Variants in ABCA8 observed in about 807,000 individuals in gnomAD.
ABCA8 encodes ABC-type organic anion transporter ABCA8.
Under a neutral mutation model 192.3 loss-of-function variants are expected in ABCA8, and 177 were observed. That is an observed-to-expected ratio of 0.92 (90% CI 0.81 to 1.04). ABCA8 has a LOEUF of 1.04. Among genes scored for constraint, ABCA8 ranks in the 50% least tolerant of loss-of-function variants. The pLI is 0.00. For missense variants in ABCA8, 1,915 were observed against 1,904.8 expected (o/e 1.01, Z -0.10); for synonymous variants, 642 against 690.2 (o/e 0.93, Z 1.09).
intron 1 of ABCA8, among the ~76,000 whole-genome samples, chr17:68,954,402 A>T (rs945013418): frequency 2.6e-5 from 4 of 151,986 alleles, no homozygotes; most frequent in Non-Finnish European, 4.4e-5. Flanking sequence ...TATATCTTCC[A>T]TCGTAAAGTA....
chr17:68,949,965 A>C (rs2068523953), intron 1 of ABCA8, among the ~76,000 whole-genome samples: 1 of 152,212 alleles, frequency 6.6e-6, no homozygotes, highest in Non-Finnish European at 1.5e-5. Context: ...AAGAGAAAGA[A>C]ATAAAGGTAT....
Position 68,921,379 on chromosome 17 carries a change from TAC to T in ABCA8, c.1612+1_1612+2del. On this transcript the variant is annotated splice_donor_variant, in intron 13 of 39. Transcript: ENST00000586539. LOFTEE classifies it high-confidence loss of function. ...AAAAAAAAGAAAACAAACTAGTTTG[TAC>T]CTTTGGTGGGAACAGACAACCCACT... 6 of 1,598,102 alleles carry T rather than the reference TAC, an allele frequency of 3.8e-6. No individual in the cohort carries two copies. The highest frequency in any genetic ancestry group is 5.1e-6 in the Non-Finnish European group (6 of 1,171,428).
In ABCA8 at chr17:68,922,233, T is replaced by TAA; in HGVS notation, c.1501+8_1501+9insTT. The TAA allele has an allele frequency of 1.8e-6, 1 of 549,588 alleles. No homozygotes were observed. The highest frequency in any genetic ancestry group is 2.6e-6 in the Non-Finnish European group (1 of 385,894). 34.0% of individuals were successfully genotyped at this position (549,588 alleles called of 1,614,324 possible). On this transcript the variant is annotated intron_variant, in intron 12 of 39. Coordinates refer to ENST00000586539, the MANE Select transcript of ABCA8 (RefSeq NM_001288985.2). ...TTTTTTTTTTTTTTTTTTTTTTTTT[T>TAA]TTTTTTACCTTTCAAGGCTTCTATT... is the stretch of plus-strand genomic sequence containing the variant.
At chr17:68,906,940 A>G (rs1281314276) in intron 18 of ABCA8, among the ~76,000 whole-genome samples, 1 of 152,140 alleles carries the variant, frequency 6.6e-6, no homozygotes, top group African/African-American at 2.4e-5. Context: ...TGATTACAGA[A>G]GTCCTGAGGC....
Position 68,931,996 on chromosome 17 carries a change from G to A in ABCA8, c.797+292C>T, listed in dbSNP as rs1483240447. On this transcript the variant is annotated intron_variant, in intron 7 of 39. Transcript: ENST00000586539. ...GAGGCCGAGGTGGGTGGATCACGAG[G>A]TCAGGAGATCGAGACCATCCTGGCT... is the stretch of plus-strand genomic sequence containing the variant. The A allele has an allele frequency of 1.1e-4, 25 of 226,800 alleles. No individual in the cohort carries two copies. The East Asian group carries it at 2.1e-3, about 19-fold the overall frequency. The allele number at this position is 226,800 out of a possible 1,614,324, so 14.0% of individuals were successfully genotyped here.
intron 5 of ABCA8, among the ~76,000 whole-genome samples, chr17:68,935,811 C>T (rs1048779604): frequency 6.6e-6 from 1 of 151,918 alleles, no homozygotes; most frequent in Non-Finnish European, 1.5e-5. Flanking sequence ...CTTCTACCAA[C>T]GATGTATAAG....
intron 4 of ABCA8, among the ~76,000 whole-genome samples, chr17:68,937,393 T>G (rs913974968): frequency 6.6e-6 from 1 of 152,116 alleles, no homozygotes; most frequent in Non-Finnish European, 1.5e-5. Context: ...ACTATACCAA[T>G]TAAACTGTTC....
chr17:68,885,248 G>A lies in ABCA8; in HGVS notation c.3497C>T (p.Thr1166Ile), dbSNP rs778722452. 3 of 1,613,618 alleles carry A rather than the reference G, an allele frequency of 1.9e-6. No homozygotes were observed. The Admixed American group carries it at 5.0e-5, about 27-fold the overall frequency. ...IFESDIPFIFTFLIPPATMIG... is the reference protein window; with the variant it reads ...IFESDIPFIFIFLIPPATMIG... ...CATTGTGGCAGGTGGTATTAAAAAA[G>A]TGAAGATAAATGGAATATCACTTTC... The change falls in exon 27 of 40, where the codon ACT becomes ATT. Residue 1166 changes from threonine to isoleucine, a missense_variant. Coordinates refer to ENST00000586539, the MANE Select transcript of ABCA8 (RefSeq NM_001288985.2).
At chr17:68,944,474 T>C (rs1054621907) in intron 2 of ABCA8, 1 of 150,472 alleles carries the variant, frequency 6.6e-6, no homozygotes, top group East Asian at 2.0e-4. Context: ...CTAGAAACCT[T>C]GGTAGAAGGA....
At chr17:68,934,275 T>C (rs1485029126) in intron 5 of ABCA8, among the ~76,000 whole-genome samples, 1 of 152,122 alleles carries the variant, frequency 6.6e-6, no homozygotes, top group African/African-American at 2.4e-5. Context: ...ACAATTTGGT[T>C]AGTTCCTTTT....
intron 1 of ABCA8, among the ~76,000 whole-genome samples, chr17:68,953,746 A>G (rs372319647): frequency 1.1e-4 from 17 of 152,328 alleles, no homozygotes; most frequent in East Asian, 5.8e-4. Flanking sequence ...GTATACAGAC[A>G]TACCCACAAA....
At chr17:68,947,652 A>G (rs1012990185) in intron 2 of ABCA8, among the ~76,000 whole-genome samples, 2 of 152,186 alleles carry the variant, frequency 1.3e-5, no homozygotes, top group African/African-American at 4.8e-5. Context: ...GGTCTATTCA[A>G]GTTGTCTGTT....
chr17:68,913,925 G>T (rs572273506), intron 17 of ABCA8, among the ~76,000 whole-genome samples: 1 of 151,948 alleles, frequency 6.6e-6, no homozygotes, highest in Non-Finnish European at 1.5e-5. Flanking sequence ...CTAGCAAACC[G>T]AATTCAACAA....
At chr17:68,922,407 T>C in intron 11 of ABCA8, 107 bp from the exon 12 acceptor site, 15 of 780,614 alleles carry the variant, frequency 1.9e-5, no homozygotes, top group South Asian at 7.4e-5. Context: ...CATGAAGATC[T>C]GGGTCTTCAC....
Position 68,903,338 on chromosome 17 carries a change from A to C in ABCA8, c.2560T>G (p.Leu854Val). The C allele has an allele frequency of 6.2e-7, 1 of 1,614,180 alleles. No homozygotes were observed. The highest frequency in any genetic ancestry group is 8.5e-7 in the Non-Finnish European group (1 of 1,180,032). Residue 854 changes from leucine to valine, a missense_variant, in exon 20 of 40, where the codon TTA (leucine) becomes GTA (valine). By Grantham distance (32) the Leu-to-Val change is conservative. Coordinates refer to ENST00000586539, the MANE Select transcript of ABCA8 (RefSeq NM_001288985.2). ...QICAIARVRLLKLKHERKALL... is the reference protein window; with the variant it reads ...QICAIARVRLVKLKHERKALL... ...GCTTTTCTTTCATGCTTTAACTTTAACAAGCGAACCCTTGCAATTGCGCAG... is the reference window on the plus strand; with the variant it reads ...GCTTTTCTTTCATGCTTTAACTTTACCAAGCGAACCCTTGCAATTGCGCAG...
Position 68,887,811 on chromosome 17 carries a change from G to A in ABCA8, c.3145-305C>T, listed in dbSNP as rs559439525. On this transcript the variant is annotated intron_variant, in intron 24 of 39. Coordinates refer to ENST00000586539, the MANE Select transcript of ABCA8 (RefSeq NM_001288985.2). The stretch of plus-strand genomic sequence containing the variant: ...CTTACAGGTGGGTAGGGGTGAATGG[G>A]ATGGACAGTTTATTCCCTTAAACAA... 1.2e-4 allele frequency among the ~76,000 whole-genome samples: 17 copies of A among 146,924 alleles called. No homozygotes were observed. In the East Asian group the frequency reaches 2.2e-3, roughly 19 times the overall value.
In ABCA8 at chr17:68,922,194, C is replaced by CTTTTTT. The variant is rs201226205; in HGVS notation, c.1501+42_1501+47dup. The stretch of plus-strand genomic sequence containing the variant: ...TAACAAATATTTTCTTTCTCTCTCT[C>CTTTTTT]TTTTTTTTTTTTTTTTTTTTTTTTT... On this transcript the variant is annotated intron_variant, in intron 12 of 39. Transcript: ENST00000586539. 508 of 526,390 alleles carry CTTTTTT rather than the reference C, an allele frequency of 9.7e-4. 3 individuals carry two copies. Among genetic ancestry groups the CTTTTTT allele is most frequent in the East Asian group, 1.2e-3 (9 of 7,666 alleles). 32.6% of individuals were successfully genotyped at this position (526,390 alleles called of 1,614,324 possible). A position where few individuals can be genotyped will look rare whatever the true frequency, so the allele number is the denominator to read the frequency against.
intron 17 of ABCA8, among the ~76,000 whole-genome samples, chr17:68,914,074 C>T (rs540691610): frequency 3.9e-5 from 6 of 152,156 alleles, no homozygotes; most frequent in South Asian, 2.1e-4. Context: ...TCAACTGATG[C>T]TGAAAAAGCA....
intron 1 of ABCA8, among the ~76,000 whole-genome samples, chr17:68,952,726 T>G (rs1425219290): frequency 6.6e-6 from 1 of 152,288 alleles, no homozygotes; most frequent in East Asian, 1.9e-4. Context: ...CCATGGATTT[T>G]ACCTAAAATT....
Sources: gnomAD v4.1 joint callset for allele counts (sites outside exome capture counted in the v4.1 genomes callset) on GRCh38, gnomAD v4.1.1 for gene constraint, MANE v1.5 for transcripts, NCBI Gene and HGNC (gene_info 2026-07-23, HGNC 2026-07-21) for gene names.